The following ETV1 variants were observed in gnomAD, a reference collection of about 807,000 sequenced individuals.
ETV1 encodes the protein ETS variant transcription factor 1.
ETV1 carries 27 observed loss-of-function variants against 62.3 expected under a neutral mutation model. That is an observed-to-expected ratio of 0.43 (90% CI 0.32 to 0.60). The LOEUF (loss-of-function observed/expected upper bound fraction) is 0.60, where lower values mean the gene tolerates loss of function less well. Among genes scored for constraint, ETV1 ranks in the 20% least tolerant of loss-of-function variants. The probability of loss-of-function intolerance (pLI) is 0.06; values close to 1 mark genes in which losing one functional copy is unlikely to be tolerated. For missense variants in ETV1, 605 were observed against 605.8 expected (o/e 1.00, Z 0.01); for synonymous variants, 222 against 199.6 (o/e 1.11, Z -0.94).
intron 6 of ETV1, among the ~76,000 whole-genome samples, chr7:13,975,651 G>A (rs1417318399): frequency 2.0e-5 from 3 of 151,006 alleles, no homozygotes; most frequent in African/African-American, 2.4e-5. Flanking sequence ...CCACAAAGAG[G>A]AGGGAAGGAA....
At chr7:13,896,743 G>GGAAAGAAAGAAAGAAAGAAA (rs10694579) in intron 13 of ETV1, among the ~76,000 whole-genome samples, 4,701 of 115,270 alleles carry the variant, frequency 0.041, 173 homozygotes, top group East Asian at 0.089. Flanking sequence ...AAGAAAGAAA[G>GGAAAGAAAGAAAGAAAGAAA]GAAAGAAAGA....
At chr7:13,899,867 T>C (rs1201090505) in intron 13 of ETV1, among the ~76,000 whole-genome samples, 1 of 152,200 alleles carries the variant, frequency 6.6e-6, no homozygotes, top group African/African-American at 2.4e-5. Context: ...CATTGGCTCA[T>C]GCTTGTAATC....
intron 6 of ETV1, among the ~76,000 whole-genome samples, chr7:13,957,772 C>T (rs1025300128): frequency 6.6e-6 from 1 of 152,186 alleles, no homozygotes; most frequent in African/African-American, 2.4e-5. Context: ...TACAGCACTC[C>T]TTTGTAATTG....
At chr7:13,908,442 T>C (rs762682117) in intron 11 of ETV1, among the ~76,000 whole-genome samples, 7 of 152,318 alleles carry the variant, frequency 4.6e-5, no homozygotes, top group Non-Finnish European at 7.4e-5. Flanking sequence ...TAAGAGGCTT[T>C]ATATACTTTG....
In ETV1 at chr7:13,974,536, A is replaced by G. The variant is rs1294738518; in HGVS notation, c.235+2891T>C. Among the ~76,000 whole-genome samples, 12 of 152,240 alleles carry G rather than the reference A, an allele frequency of 7.9e-5. No individual in the cohort carries two copies. In the East Asian group the frequency reaches 2.3e-3, roughly 29 times the overall value. On this transcript the variant is annotated intron_variant, in intron 6 of 13. Transcript: ENST00000430479. ...GGGAAAATCAAAAGACAAGAAAACCAACCAAAAGGCTGACTCAGAAGTTCA... is the reference window on the plus strand; with the variant it reads ...GGGAAAATCAAAAGACAAGAAAACCGACCAAAAGGCTGACTCAGAAGTTCA...
intron 9 of ETV1, among the ~76,000 whole-genome samples, chr7:13,925,956 A>G (rs527244290): frequency 6.6e-6 from 1 of 152,218 alleles, no homozygotes; most frequent in Admixed American, 6.5e-5. Flanking sequence ...GATACAAAAT[A>G]TCACCTATAA....
intron 5 of ETV1, among the ~76,000 whole-genome samples, chr7:13,983,704 G>T (rs1583900181): frequency 2.5e-5 from 3 of 118,420 alleles, no homozygotes; most frequent in African/African-American, 6.8e-5. Context: ...TTTAAACTGT[G>T]TTTAGATGTT....
At position 13,892,411 on chromosome 7, in the gene ETV1, T is replaced by C; in HGVS notation, c.*3455A>G. 4.3e-6 allele frequency: 1 copy of C among 232,684 alleles called. No individual in the cohort carries two copies. The highest frequency in any genetic ancestry group is 6.1e-5 in the East Asian group (1 of 16,470). The allele number at this position is 232,684 out of a possible 1,614,324, so 14.4% of individuals were successfully genotyped here. On this transcript the variant is annotated 3_prime_UTR_variant, in exon 14 of 14. Transcript: ENST00000430479. ...TTATTTATGCAGAATAAGGGGAAAATATCTCAGTGGTAAATAAAAGCAAAC... is the reference window on the plus strand; with the variant it reads ...TTATTTATGCAGAATAAGGGGAAAACATCTCAGTGGTAAATAAAAGCAAAC...
chr7:13,985,958 C>T (rs1782510513), intron 5 of ETV1, among the ~76,000 whole-genome samples: 1 of 152,126 alleles, frequency 6.6e-6, no homozygotes, highest in Non-Finnish European at 1.5e-5. Context: ...TTAAATGTAT[C>T]CTTGCTCTAT....
chr7:13,902,028 C>T (rs1782490421), intron 12 of ETV1, among the ~76,000 whole-genome samples: 1 of 152,160 alleles, frequency 6.6e-6, no homozygotes, highest in Admixed American at 6.5e-5. Context: ...GTGTAGCTTG[C>T]TTTTCCTACC....
intron 8 of ETV1, among the ~76,000 whole-genome samples, chr7:13,932,791 C>T (rs190190988): frequency 1.0e-3 from 158 of 152,152 alleles, no homozygotes; most frequent in African/African-American, 3.0e-3. Context: ...CCTAATAACC[C>T]CCCCACTAAA....
chr7:13,971,183 C>A (rs570172718), intron 6 of ETV1, among the ~76,000 whole-genome samples: 35 of 152,230 alleles, frequency 2.3e-4, no homozygotes, highest in African/African-American at 8.2e-4. Flanking sequence ...GTTAGCCAGG[C>A]TAGTCTCGAA....
rs1782798440 is a variant in ETV1 at position 13,904,884 on chromosome 7, G to GA, written c.1110+1545dup. On this transcript the variant is annotated intron_variant, in intron 12 of 13. Coordinates refer to ENST00000430479, the MANE Select transcript of ETV1 (RefSeq NM_004956.5). ...ACTTACATCATGTGAGAGTATCTATGAAAAAACTAATCTTCTTTGACAGCT... is the reference window on the plus strand; with the variant it reads ...ACTTACATCATGTGAGAGTATCTATGAAAAAAACTAATCTTCTTTGACAGCT... 2.0e-5 allele frequency among the ~76,000 whole-genome samples: 3 copies of GA among 150,586 alleles called. No homozygotes were observed. The South Asian group carries it at 6.4e-4, about 32-fold the overall frequency.
Position 13,986,251 on chromosome 7 carries a change from T to C in ETV1, c.181+387A>G, listed in dbSNP as rs952057569. 142 of 1,533,284 alleles carry C rather than the reference T, an allele frequency of 9.3e-5. 1 individual carries two copies. The East Asian group carries it at 2.6e-3, about 28-fold the overall frequency. The allele number at this position is 1,533,284 out of a possible 1,614,324, so 95.0% of individuals were successfully genotyped here. On this transcript the variant is annotated intron_variant, in intron 5 of 13. Coordinates refer to ENST00000430479, the MANE Select transcript of ETV1 (RefSeq NM_004956.5). ...TCCACCAGAACACCAAATAATGATATGCGCTGCTCTAAAGGAAACAGCAAG... is the reference window on the plus strand; with the variant it reads ...TCCACCAGAACACCAAATAATGATACGCGCTGCTCTAAAGGAAACAGCAAG...
At chr7:13,946,953 T>A (rs145574849) in intron 6 of ETV1, among the ~76,000 whole-genome samples, 2,739 of 152,184 alleles carry the variant, frequency 0.018, 42 homozygotes, top group Non-Finnish European at 0.026. Context: ...CATGCTCAGC[T>A]AATTTTTTTG....
chr7:13,970,729 G>A (rs1488608012), intron 6 of ETV1, among the ~76,000 whole-genome samples: 1 of 152,074 alleles, frequency 6.6e-6, no homozygotes, highest in Non-Finnish European at 1.5e-5. Context: ...TGTGTTGAAA[G>A]AAACAAGATG....
chr7:13,934,399 T>C (rs1786544663), intron 8 of ETV1, among the ~76,000 whole-genome samples: 1 of 152,208 alleles, frequency 6.6e-6, no homozygotes. Context: ...TGAAAAAACC[T>C]ATAAAAAGCA....
At chr7:13,901,324 G>C (rs530661183) in intron 12 of ETV1, among the ~76,000 whole-genome samples, 1 of 152,066 alleles carries the variant, frequency 6.6e-6, no homozygotes, top group Non-Finnish European at 1.5e-5. Context: ...TTTTAAACCA[G>C]GCGTGCAGTG....
chr7:13,954,327 G>T (rs568211337), intron 6 of ETV1, among the ~76,000 whole-genome samples: 11 of 152,098 alleles, frequency 7.2e-5, no homozygotes, highest in Non-Finnish European at 1.5e-4. Context: ...CATCTCACAC[G>T]GATTAGCATG....
Sources: gnomAD v4.1 joint callset for allele counts (sites outside exome capture counted in the v4.1 genomes callset) on GRCh38, gnomAD v4.1.1 for gene constraint, MANE v1.5 for transcripts, NCBI Gene and HGNC (gene_info 2026-07-23, HGNC 2026-07-21) for gene names.